The following GRM7 variants were observed in gnomAD, a reference collection of about 807,000 sequenced individuals.
The protein encoded by GRM7 is metabotropic glutamate receptor 7.
GRM7 carries 35 observed loss-of-function variants against 84.5 expected under a neutral mutation model. The ratio of observed to expected loss-of-function variants is 0.41; its 90% confidence interval spans 0.32 to 0.55. The LOEUF (loss-of-function observed/expected upper bound fraction) is 0.55. Among genes scored for constraint, GRM7 ranks in the 20% least tolerant of loss-of-function variants. GRM7 has a pLI of 0.19. For missense variants in GRM7, 1,003 were observed against 1,194.6 expected (o/e 0.84, Z 2.36); for synonymous variants, 487 against 455.1 (o/e 1.07, Z -0.89).
chr3:7,391,762 T>C (rs1353140638), intron 4 of GRM7, among the ~76,000 whole-genome samples: 2 of 128,588 alleles, frequency 1.6e-5, no homozygotes, highest in East Asian at 3.9e-4. Context: ...AAGGTGTGCA[T>C]GGAAAAAAAA....
At chr3:7,605,554 T>A (rs1376318753) in intron 8 of GRM7, among the ~76,000 whole-genome samples, 1 of 152,140 alleles carries the variant, frequency 6.6e-6, no homozygotes, top group East Asian at 1.9e-4. Context: ...ATAATATACC[T>A]AGCATACTAA....
At chr3:7,342,470 T>C (rs887420918) in intron 4 of GRM7, among the ~76,000 whole-genome samples, 1 of 152,130 alleles carries the variant, frequency 6.6e-6, no homozygotes, top group Non-Finnish European at 1.5e-5. Context: ...GGCTTCAGAG[T>C]TCCTCTCAAC....
chr3:7,330,526 A>G (rs1206981643), intron 4 of GRM7, among the ~76,000 whole-genome samples: 1 of 152,112 alleles, frequency 6.6e-6, no homozygotes, highest in Non-Finnish European at 1.5e-5. Context: ...ATGTTGTGTG[A>G]GGGACCTGGT....
At chr3:7,386,737 C>A (rs557817147) in intron 4 of GRM7, among the ~76,000 whole-genome samples, 2 of 152,114 alleles carry the variant, frequency 1.3e-5, no homozygotes, top group African/African-American at 4.8e-5. Context: ...CATTCAAGTG[C>A]GGGTGTCTTT....
intron 2 of GRM7, among the ~76,000 whole-genome samples, chr3:7,285,469 G>A (rs757090595): frequency 4.6e-5 from 7 of 152,124 alleles, no homozygotes; most frequent in South Asian, 4.2e-4. Flanking sequence ...GGCCTAATAC[G>A]TAGTAAACCT....
intron 7 of GRM7, among the ~76,000 whole-genome samples, chr3:7,528,522 T>C (rs1365474248): frequency 6.6e-6 from 1 of 152,092 alleles, no homozygotes; most frequent in Non-Finnish European, 1.5e-5. Flanking sequence ...TTTTATTTAA[T>C]TCTGCTCTGC....
chr3:6,952,412 C>T (rs990372631), intron 1 of GRM7, among the ~76,000 whole-genome samples: 1 of 152,102 alleles, frequency 6.6e-6, no homozygotes, highest in African/African-American at 2.4e-5. Context: ...AGGGAGAAAC[C>T]CTTTGTGGAT....
chr3:7,110,511 C>T (rs543333866), intron 1 of GRM7, among the ~76,000 whole-genome samples: 2 of 151,982 alleles, frequency 1.3e-5, no homozygotes, highest in South Asian at 4.2e-4. Flanking sequence ...AGGAGAATCG[C>T]TTGAACCTGG....
intron 8 of GRM7, among the ~76,000 whole-genome samples, chr3:7,606,558 G>T (rs1696583437): frequency 6.6e-6 from 1 of 152,068 alleles, no homozygotes; most frequent in Non-Finnish European, 1.5e-5. Flanking sequence ...GGGGGACAAG[G>T]TCTCTCTTTG....
intron 7 of GRM7, chr3:7,520,025 C>A (rs1021183365): frequency 5.3e-5 from 8 of 152,130 alleles, no homozygotes. Flanking sequence ...CCTAAGAATG[C>A]GATCAAGAGA....
At chr3:7,474,425 A>G (rs944351354) in intron 7 of GRM7, among the ~76,000 whole-genome samples, 6 of 146,754 alleles carry the variant, frequency 4.1e-5, no homozygotes, top group African/African-American at 1.6e-4. Flanking sequence ...CATCATGTGT[A>G]CAAATAGCTT....
intron 8 of GRM7, among the ~76,000 whole-genome samples, chr3:7,649,983 T>G (rs1421783416): frequency 1.3e-5 from 2 of 152,176 alleles, no homozygotes; most frequent in East Asian, 3.9e-4. Flanking sequence ...AGGCTTCAAA[T>G]GGAAAATTTG....
At chr3:7,066,504 A>G (rs1279170371) in intron 1 of GRM7, among the ~76,000 whole-genome samples, 1 of 151,898 alleles carries the variant, frequency 6.6e-6, no homozygotes, top group East Asian at 1.9e-4. Flanking sequence ...CAGACCAATA[A>G]CAAGCAGCAA....
chr3:7,403,557 C>T (rs1033963866), intron 4 of GRM7, among the ~76,000 whole-genome samples: 1 of 147,328 alleles, frequency 6.8e-6, no homozygotes, highest in African/African-American at 2.5e-5. Flanking sequence ...TCAACTATGG[C>T]AAATGTACGT....
intron 1 of GRM7, among the ~76,000 whole-genome samples, chr3:6,967,497 G>T (rs1693569948): frequency 6.6e-6 from 1 of 152,138 alleles, no homozygotes; most frequent in Admixed American, 6.5e-5. Context: ...GCCTGGCTCG[G>T]ACTTACTGAT....
At chr3:7,304,259 TC>T (rs1700108804) in intron 3 of GRM7, among the ~76,000 whole-genome samples, 1 of 150,556 alleles carries the variant, frequency 6.6e-6, no homozygotes, top group Admixed American at 6.6e-5. Flanking sequence ...AATTTTAAAG[TC>T]TTTTTGTCAG....
intron 6 of GRM7, among the ~76,000 whole-genome samples, chr3:7,455,486 G>A (rs1052341156): frequency 2.6e-5 from 4 of 152,266 alleles, no homozygotes; most frequent in Admixed American, 2.6e-4. Context: ...TGAGACTCAT[G>A]AACATTGTGT....
At chr3:6,999,752 A>T (rs1694946056) in intron 1 of GRM7, among the ~76,000 whole-genome samples, 1 of 152,026 alleles carries the variant, frequency 6.6e-6, no homozygotes. Context: ...TTATAAAACC[A>T]CCAGATCTCA....
intron 2 of GRM7, among the ~76,000 whole-genome samples, chr3:7,287,580 A>T (rs1699473788): frequency 6.6e-6 from 1 of 151,876 alleles, no homozygotes. Flanking sequence ...TAAATATTTC[A>T]CTCCTGAGTA....
Sources: gnomAD v4.1 joint callset for allele counts (sites outside exome capture counted in the v4.1 genomes callset) on GRCh38, gnomAD v4.1.1 for gene constraint, MANE v1.5 for transcripts, NCBI Gene and HGNC (gene_info 2026-07-23, HGNC 2026-07-21) for gene names.